Variants in AIG1 observed in about 807,000 individuals in gnomAD.
AIG1 encodes androgen-induced gene 1 protein.
Under a neutral mutation model 31.4 loss-of-function variants are expected in AIG1, and 23 were observed. The observed-to-expected ratio is 0.73, with a 90% CI of 0.53 to 1.04. The LOEUF is 1.04. Among genes scored for constraint, AIG1 ranks in the 50% least tolerant of loss-of-function variants. The pLI, the probability that AIG1 is intolerant of heterozygous loss-of-function variation, is 0.00. For synonymous variants in AIG1, 100 were observed against 110.5 expected (o/e 0.90, Z 0.60); for missense variants, 274 against 295.0 (o/e 0.93, Z 0.52).
At chr6:143,315,769 A>C (rs1052485867) in intron 4 of AIG1, among the ~76,000 whole-genome samples, 1 of 152,136 alleles carries the variant, frequency 6.6e-6, no homozygotes, top group African/African-American at 2.4e-5. Flanking sequence ...TTTAGATACA[A>C]CACCAAAGGC....
intron 1 of AIG1, among the ~76,000 whole-genome samples, chr6:143,102,067 G>A (rs1394007430): frequency 6.6e-6 from 1 of 152,114 alleles, no homozygotes; most frequent in East Asian, 1.9e-4. Flanking sequence ...TCCTGAAAAT[G>A]TGTAAGAGTA....
At chr6:143,307,562 T>G (rs1282049168) in intron 4 of AIG1, among the ~76,000 whole-genome samples, 2 of 152,158 alleles carry the variant, frequency 1.3e-5, no homozygotes, top group African/African-American at 4.8e-5. Flanking sequence ...CTCTGGAAGT[T>G]TTATCTCAGA....
At chr6:143,125,456 A>G (rs1782614044) in intron 1 of AIG1, among the ~76,000 whole-genome samples, 1 of 152,220 alleles carries the variant, frequency 6.6e-6, no homozygotes, top group South Asian at 2.1e-4. Flanking sequence ...GGTATATTTA[A>G]TTCAGTGTTC....
intron 3 of AIG1, among the ~76,000 whole-genome samples, chr6:143,250,700 C>G (rs1794949315): frequency 6.6e-6 from 1 of 152,068 alleles, no homozygotes. Flanking sequence ...CCAAGGACTT[C>G]CAGCAGCCTC....
chr6:143,063,251 A>AC (rs1349702714), intron 1 of AIG1, among the ~76,000 whole-genome samples: 1 of 152,240 alleles, frequency 6.6e-6, no homozygotes, highest in African/African-American at 2.4e-5. Flanking sequence ...ACCATACAGG[A>AC]CTTTTTCTAT....
chr6:143,191,638 CTG>C (rs1285973064), intron 3 of AIG1, among the ~76,000 whole-genome samples: 4 of 151,416 alleles, frequency 2.6e-5, no homozygotes, highest in Admixed American at 2.0e-4. Flanking sequence ...TTTTCAAAAA[CTG>C]TGTTTGGGGA....
In AIG1 at chr6:143,338,102, C is replaced by T; in HGVS notation, c.680-1537C>T. 1 of 398,618 alleles carries T rather than the reference C, an allele frequency of 2.5e-6. No individual in the cohort carries two copies. The highest frequency in any genetic ancestry group is 4.4e-6 in the Non-Finnish European group (1 of 226,110). 24.7% of individuals were successfully genotyped at this position (398,618 alleles called of 1,614,324 possible). On this transcript the variant is annotated intron_variant, in intron 5 of 5. Coordinates refer to ENST00000357847, the MANE Select transcript of AIG1 (RefSeq NM_016108.4). This position sits in a 1 kb window ranked among gnomAD's most constrained non-coding sequence, Gnocchi z 4.3. ...AAGTCAACCCATCTGCAGGAGAACGCTTTGGAAAAAACAGACTTTAAAAAG... is the reference window on the plus strand; with the variant it reads ...AAGTCAACCCATCTGCAGGAGAACGTTTTGGAAAAAACAGACTTTAAAAAG...
At chr6:143,273,710 A>G (rs1345106824) in intron 3 of AIG1, among the ~76,000 whole-genome samples, 1 of 152,198 alleles carries the variant, frequency 6.6e-6, no homozygotes, top group African/African-American at 2.4e-5. Context: ...AGAGCCAAGC[A>G]AAAGGGGAAA....
At chr6:143,235,094 T>TAGG (rs147036640) in intron 3 of AIG1, among the ~76,000 whole-genome samples, 5,833 of 152,158 alleles carry the variant, frequency 0.038, 356 homozygotes, top group African/African-American at 0.13. Context: ...GATGATGTGG[T>TAGG]AGGAGGTAGG....
intron 2 of AIG1, among the ~76,000 whole-genome samples, chr6:143,142,861 C>G (rs1226099187): frequency 6.6e-6 from 1 of 152,134 alleles, no homozygotes; most frequent in African/African-American, 2.4e-5. Flanking sequence ...GATTTAAAAT[C>G]TCAAATGCAA....
intron 4 of AIG1, among the ~76,000 whole-genome samples, chr6:143,289,295 T>G (rs1797894683): frequency 6.6e-6 from 1 of 152,214 alleles, no homozygotes. Context: ...TATGTGATGC[T>G]ACATCAAAAT....
intron 1 of AIG1, among the ~76,000 whole-genome samples, chr6:143,135,584 T>TGAGGAAACAGAACATTACTCTGC (rs1219909456): frequency 5.3e-5 from 8 of 152,156 alleles, no homozygotes; most frequent in Non-Finnish European, 8.8e-5. Context: ...GGCTACGTTA[T>TGAGGAAACAGAACATTACTCTGC]GAGGAAACAG....
intron 3 of AIG1, 28 bp downstream of exon 3, chr6:143,165,211 T>C: frequency 6.5e-7 from 1 of 1,541,486 alleles, no homozygotes; most frequent in Non-Finnish European, 9.0e-7. Context: ...AACGGCTTTC[T>C]TTTATTTTAA....
At chr6:143,207,107 A>T (rs1398021658) in intron 3 of AIG1, among the ~76,000 whole-genome samples, 1 of 152,002 alleles carries the variant, frequency 6.6e-6, no homozygotes, top group Non-Finnish European at 1.5e-5. Context: ...AAGTGAGGGG[A>T]GTTGTATCAC....
chr6:143,146,184 C>G (rs1248840629), intron 2 of AIG1, among the ~76,000 whole-genome samples: 1 of 152,000 alleles, frequency 6.6e-6, no homozygotes, highest in Non-Finnish European at 1.5e-5. Flanking sequence ...TCACAGAGTT[C>G]CTACTCTCTC....
chr6:143,110,250 C>G (rs1781153456), intron 1 of AIG1, among the ~76,000 whole-genome samples: 1 of 152,116 alleles, frequency 6.6e-6, no homozygotes, highest in Admixed American at 6.5e-5. Flanking sequence ...ATCTTGATAT[C>G]TGGTAATATA....
chr6:143,281,145 A>G (rs773277386), intron 3 of AIG1, among the ~76,000 whole-genome samples: 6 of 152,228 alleles, frequency 3.9e-5, no homozygotes, highest in Non-Finnish European at 8.8e-5. Context: ...TGCAGAAAAA[A>G]GAGCATGAGA....
At chr6:143,252,673 G>T (rs1795091678) in intron 3 of AIG1, among the ~76,000 whole-genome samples, 1 of 152,190 alleles carries the variant, frequency 6.6e-6, no homozygotes, top group Non-Finnish European at 1.5e-5. Flanking sequence ...TGGTTAGATC[G>T]TTTTCTGTTT....
chr6:143,252,631 G>C (rs556069896), intron 3 of AIG1, among the ~76,000 whole-genome samples: 3 of 152,340 alleles, frequency 2.0e-5, no homozygotes, highest in African/African-American at 4.8e-5. Flanking sequence ...GAACATGTAT[G>C]AGTAAGGTCA....
Sources: allele counts gnomAD v4.1 joint callset (sites outside exome capture counted in the v4.1 genomes callset), GRCh38; gene constraint gnomAD v4.1.1; non-coding constraint Gnocchi (gnomAD v3.1); transcripts MANE v1.5; gene names NCBI Gene and HGNC (gene_info 2026-07-23, HGNC 2026-07-21).